MCF2: variants seen among roughly 807,000 people sequenced by gnomAD.
MCF2 encodes proto-oncogene DBL.
In MCF2, 44 loss-of-function variants were observed where a neutral mutation model predicts 82.5. That is an observed-to-expected ratio of 0.53 (90% CI 0.42 to 0.69). The LOEUF (loss-of-function observed/expected upper bound fraction) is 0.69, where lower values mean the gene tolerates loss of function less well. Among genes scored for constraint, MCF2 ranks in the 30% least tolerant of loss-of-function variants. The pLI, the probability that MCF2 is intolerant of heterozygous loss-of-function variation, is 0.00. For missense variants in MCF2, 623 were observed against 663.1 expected (o/e 0.94, Z 0.66); for synonymous variants, 217 against 224.9 (o/e 0.96, Z 0.32).
intron 1 of MCF2, among the ~76,000 whole-genome samples, chrX:139,693,710 G>A: frequency 9.0e-6 from 1 of 111,374 alleles, no homozygotes; most frequent in East Asian, 2.8e-4. Context: ...CACTACTGTG[G>A]GTAGTATGAC....
exon 9 of MCF2, chrX:139,616,414 A>G (rs746510495): frequency 8.5e-7 from 1 of 1,178,286 alleles, no homozygotes; most frequent in African/African-American, 1.8e-5. Flanking sequence ...CTTTAGACTG[A>G]AACTTATCTA....
chrX:139,596,853 A>G, intron 18 of MCF2, 83 bp from the exon 23 acceptor site: 1 of 635,285 alleles, frequency 1.6e-6, no homozygotes, highest in Non-Finnish European at 2.6e-6. Context: ...GTTCAGCTTA[A>G]GCTACTCAAA....
chrX:139,679,062 T>C (rs1934940665), intron 1 of MCF2, among the ~76,000 whole-genome samples: 1 of 112,547 alleles, frequency 8.9e-6, no homozygotes, highest in Admixed American at 9.4e-5. Context: ...CAAAATCAGT[T>C]AGATGTGGCA....
chrX:139,626,444 C>A, intron 5 of MCF2, 137 bp from the exon 9 acceptor site: 1 of 591,025 alleles, frequency 1.7e-6, no homozygotes, highest in Non-Finnish European at 2.7e-6. Context: ...TAGAGACAAC[C>A]AATGTCCACA....
intron 2 of MCF2, among the ~76,000 whole-genome samples, chrX:139,648,710 A>G (rs778650267): frequency 4.5e-5 from 5 of 112,317 alleles, no homozygotes; most frequent in Non-Finnish European, 9.4e-5. Context: ...AAAGCAAAGG[A>G]TAGAAAAAGA....
chrX:139,608,117 T>A (rs1373087517), intron 11 of MCF2, among the ~76,000 whole-genome samples: 3 of 111,829 alleles, frequency 2.7e-5, no homozygotes, highest in African/African-American at 9.7e-5. Flanking sequence ...TTAACCATAG[T>A]GATTTTTGAT....
At chrX:139,690,324 A>G (rs927709433) in intron 1 of MCF2, among the ~76,000 whole-genome samples, 1 of 95,360 alleles carries the variant, frequency 1.0e-5, no homozygotes, top group Non-Finnish European at 2.0e-5. Context: ...TTAAGCATGC[A>G]TTCCTCCAAA....
intron 2 of MCF2, among the ~76,000 whole-genome samples, chrX:139,649,522 A>G (rs2148523882): frequency 8.9e-6 from 1 of 111,924 alleles, no homozygotes; most frequent in African/African-American, 3.2e-5. Flanking sequence ...ACCATCTAGC[A>G]CTTAGGCAAA....
At chrX:139,621,576 A>G (rs775708239) in intron 6 of MCF2, among the ~76,000 whole-genome samples, 1 of 111,899 alleles carries the variant, frequency 8.9e-6, no homozygotes, top group Non-Finnish European at 1.9e-5. Context: ...ATAATGCCGC[A>G]TATCTACAAC....
chrX:139,617,581 C>T, exon 8 of MCF2: 1 of 1,201,978 alleles, frequency 8.3e-7, no homozygotes, highest in Non-Finnish European at 1.1e-6. Flanking sequence ...ATCTCATTAA[C>T]CAAAATATCA....
intron 15 of MCF2, 23 bp downstream of exon 19, chrX:139,604,658 A>T: frequency 1.1e-5 from 12 of 1,044,393 alleles, no homozygotes; most frequent in Non-Finnish European, 1.6e-5. Flanking sequence ...ATTTATATAT[A>T]TTTAAAAAAT....
chrX:139,651,298 ATACT>A (rs781284818), intron 2 of MCF2, among the ~76,000 whole-genome samples: 1 of 111,490 alleles, frequency 9.0e-6, no homozygotes, highest in Non-Finnish European at 1.9e-5. Context: ...CTAAAAAAAA[ATACT>A]TAGTGCATGC....
At chrX:139,656,204 G>A (rs1424658864) in intron 1 of MCF2, among the ~76,000 whole-genome samples, 1 of 111,668 alleles carries the variant, frequency 9.0e-6, no homozygotes, top group Non-Finnish European at 1.9e-5. Context: ...TGGGACTACA[G>A]GTGCCTGCCA....
chrX:139,650,238 C>T (rs1933950955), intron 2 of MCF2, among the ~76,000 whole-genome samples: 1 of 111,460 alleles, frequency 9.0e-6, no homozygotes, highest in South Asian at 3.8e-4. Context: ...CCTATAGTTC[C>T]AGTGACTCAG....
chrX:139,635,424 G>A (rs1453155102), intron 1 of MCF2, among the ~76,000 whole-genome samples: 1 of 111,430 alleles, frequency 9.0e-6, no homozygotes, highest in Non-Finnish European at 1.9e-5. Flanking sequence ...GGGAAGCTGA[G>A]GTGGGAGGAT....
intron 1 of MCF2, among the ~76,000 whole-genome samples, chrX:139,667,603 T>C (rs921368240): frequency 1.8e-5 from 2 of 112,095 alleles, no homozygotes; most frequent in African/African-American, 3.2e-5. Flanking sequence ...TTCCAGGCTA[T>C]GTGCTCTGTC....
At chrX:139,686,866 T>C (rs1259719992) in intron 1 of MCF2, among the ~76,000 whole-genome samples, 1 of 111,470 alleles carries the variant, frequency 9.0e-6, no homozygotes, top group African/African-American at 3.3e-5. Context: ...CTGACCTTAA[T>C]CCTATTCTCT....
intron 6 of MCF2, among the ~76,000 whole-genome samples, chrX:139,619,917 T>C (rs1603289127): frequency 9.2e-6 from 1 of 109,158 alleles, no homozygotes; most frequent in Non-Finnish European, 1.9e-5. Flanking sequence ...AAGATCACCA[T>C]GTACATGTGT....
intron 1 of MCF2, among the ~76,000 whole-genome samples, chrX:139,702,842 C>T (rs763093653): frequency 8.3e-4 from 93 of 112,088 alleles, no homozygotes; most frequent in Non-Finnish European, 1.2e-3. Context: ...ATGTGCCCTT[C>T]GGATCCTCCC....
Sources: allele counts gnomAD v4.1 joint callset (sites outside exome capture counted in the v4.1 genomes callset), GRCh38; gene constraint gnomAD v4.1.1; transcripts MANE v1.5; gene names NCBI Gene and HGNC (gene_info 2026-07-23, HGNC 2026-07-21).